MTF2: variants seen among roughly 807,000 people sequenced by gnomAD.
MTF2 encodes metal-response element-binding transcription factor 2.
A neutral mutation model predicts 79.5 loss-of-function variants in MTF2; 11 were observed. The ratio of observed to expected loss-of-function variants is 0.14; its 90% CI spans 0.09 to 0.23. MTF2 has a LOEUF of 0.23. MTF2 is among the 10% of genes least tolerant of loss of function. The pLI is 1.00. For missense variants in MTF2, 486 were observed against 711.2 expected, an observed-to-expected ratio of 0.68 and a Z score of 3.60; for synonymous variants, 208 against 232.8, an observed-to-expected ratio of 0.89 and a Z score of 0.97.
At chr1:93,129,823 G>A (rs1387189117) in intron 11 of MTF2, among the ~76,000 whole-genome samples, 1 of 151,990 alleles carries the variant, frequency 6.6e-6, no homozygotes, top group South Asian at 2.1e-4. Context: ...TAAGTGCTAG[G>A]CAGTACAATG....
At chr1:93,122,374 A>G (rs1656518775) in intron 9 of MTF2, among the ~76,000 whole-genome samples, 1 of 152,126 alleles carries the variant, frequency 6.6e-6, no homozygotes, top group Admixed American at 6.5e-5. Context: ...AGTTGTGTTT[A>G]TTTCAAATGC....
At chr1:93,121,890 C>T (rs932159062) in intron 9 of MTF2, 1 of 370,270 alleles carries the variant, frequency 2.7e-6, no homozygotes, top group African/African-American at 2.2e-5. Flanking sequence ...CAACCTCCGC[C>T]TCCCAGGCTC....
chr1:93,134,116 T>G lies in MTF2; in HGVS notation c.1345T>G (p.Ser449Ala), dbSNP rs754636918. The G allele has an allele frequency of 8.1e-6, 13 of 1,613,192 alleles. No homozygotes were observed. Among genetic ancestry groups the G allele is most frequent in the Non-Finnish European group, 1.1e-5 (13 of 1,179,602 alleles). The change falls in exon 14 of 15, where the codon TCC becomes GCC. Residue 449 changes from serine (S) to alanine (A), a missense_variant. Transcript: ENST00000370298. ...IGRTEGTAHSSNTSDVDFTGA... is the reference protein window; with the variant it reads ...IGRTEGTAHSANTSDVDFTGA... ...GAGAACTGAGGGAACTGCACATTCA[T>G]CCAATACCTCAGATGTGGATTTCAC...
rs904397570 is a variant in MTF2, at chr1:93,094,681, G to C, written c.5+15150G>C. 4.6e-5 allele frequency among the ~76,000 whole-genome samples: 7 copies of C among 151,876 alleles called. No individual in the cohort carries two copies. The East Asian group carries it at 5.8e-4, about 13-fold the overall frequency. On this transcript the variant is annotated intron_variant, in intron 1 of 14. Transcript: ENST00000370298. ...TACCAGGTTCAGGTTTGCCTTTTTG[G>C]GGGGTGGGGTGGGCAAGACTATTTC...
intron 11 of MTF2, among the ~76,000 whole-genome samples, chr1:93,131,013 T>C (rs1288269165): frequency 3.9e-5 from 6 of 152,090 alleles, no homozygotes; most frequent in African/African-American, 1.4e-4. Context: ...CAATTGGATG[T>C]GTAATTCAGG....
Position 93,110,394 on chromosome 1 carries a change from C to T in MTF2, c.170C>T (p.Ser57Leu), listed in dbSNP as rs754233865. The T allele has an allele frequency of 3.1e-6, 5 of 1,614,162 alleles. No homozygotes were observed. Among genetic ancestry groups the T allele is most frequent in the South Asian group, 1.1e-5 (1 of 91,068 alleles). ...EEGQDVLARW[S>L]DGLFYLGTIK... ...GGTCAGGATGTCCTAGCTAGATGGT[C>T]AGATGGCTTGTTTTATCTTGGCACT... is the stretch of plus-strand genomic sequence containing the variant. Residue 57 changes from serine to leucine, a missense_variant, in exon 2 of 15, where the codon TCA becomes TTA. Coordinates refer to ENST00000370298, the MANE Select transcript of MTF2 (RefSeq NM_007358.4).
At chr1:93,133,274 T>C (rs1238511416) in intron 11 of MTF2, among the ~76,000 whole-genome samples, 1 of 152,124 alleles carries the variant, frequency 6.6e-6, no homozygotes, top group Non-Finnish European at 1.5e-5. Flanking sequence ...CTCCATGAAG[T>C]TAACTGCTAA....
intron 3 of MTF2, among the ~76,000 whole-genome samples, chr1:93,113,097 C>T (rs1216373324): frequency 2.0e-5 from 3 of 151,928 alleles, no homozygotes; most frequent in Non-Finnish European, 4.4e-5. Context: ...AAGAAGCAAA[C>T]AGCTGGGCGC....
chr1:93,096,457 A>G (rs1382375141), intron 1 of MTF2, among the ~76,000 whole-genome samples: 2 of 151,598 alleles, frequency 1.3e-5, no homozygotes, highest in Admixed American at 6.6e-5. Context: ...TATTTCCCAA[A>G]TGTTTTCCAA....
intron 1 of MTF2, among the ~76,000 whole-genome samples, chr1:93,087,052 T>C (rs1168420331): frequency 6.6e-6 from 1 of 152,230 alleles, no homozygotes; most frequent in East Asian, 1.9e-4. Flanking sequence ...AACTGTGTTG[T>C]GCCACCTGCG....
chr1:93,100,033 A>C (rs1037079777), intron 1 of MTF2, among the ~76,000 whole-genome samples: 1 of 152,228 alleles, frequency 6.6e-6, no homozygotes, highest in Non-Finnish European at 1.5e-5. Context: ...AGGAGTTGGC[A>C]TAAGATGTGA....
rs1655289872 is a variant in MTF2 at position 93,096,436 on chromosome 1, G to GTTA, written c.6-13793_6-13792insTAT. ...CTTAATAGCCAGCTGCTTCCTAGAC[G>GTTA]TCATGAATAATATTTCCCAAATGTT... On this transcript the variant is annotated intron_variant, in intron 1 of 14. Transcript: ENST00000370298. Among the ~76,000 whole-genome samples, 5 of 151,994 alleles carry GTTA rather than the reference G, an allele frequency of 3.3e-5. No homozygotes were observed. In the South Asian group the frequency reaches 1.0e-3, roughly 32 times the overall value.
At chr1:93,113,800 A>G (rs1038451448) in intron 3 of MTF2, among the ~76,000 whole-genome samples, 1 of 152,144 alleles carries the variant, frequency 6.6e-6, no homozygotes, top group African/African-American at 2.4e-5. Context: ...TAAATAGTAT[A>G]TTTATAAGTT....
rs893459814 is a variant in MTF2, at chr1:93,137,453, A to G, written c.*426A>G. On this transcript the variant is annotated 3_prime_UTR_variant, in exon 15 of 15. Coordinates refer to ENST00000370298, the MANE Select transcript of MTF2 (RefSeq NM_007358.4). ...CAAAATGTTGGAAAAATTTATTTCA[A>G]TACCTTTTAGATTTCATAAAGTGCA... The G allele has an allele frequency of 6.3e-6, 1 of 157,914 alleles. No individual in the cohort carries two copies. Among genetic ancestry groups the G allele is most frequent in the Non-Finnish European group, 1.4e-5 (1 of 71,076 alleles). The allele number at this position is 157,914 out of a possible 1,614,324, so 9.8% of individuals were successfully genotyped here. A position where few individuals can be genotyped will look rare whatever the true frequency, so the allele number is the denominator to read the frequency against.
intron 1 of MTF2, among the ~76,000 whole-genome samples, chr1:93,082,289 T>TC (rs398103023): frequency 1.3e-4 from 20 of 151,512 alleles, no homozygotes; most frequent in African/African-American, 4.1e-4. Context: ...TTTTTTTTTT[T>TC]CTGTAAAAAG....
Position 93,133,790 on chromosome 1 carries a change from A to T in MTF2, c.1248A>T (p.Lys416Asn). The T allele has an allele frequency of 6.2e-7, 1 of 1,609,430 alleles. No homozygotes were observed. Among genetic ancestry groups the T allele is most frequent in the South Asian group, 1.1e-5 (1 of 90,568 alleles). The change falls in exon 12 of 15, where the codon AAA becomes AAT. Residue 416 changes from lysine (K) to asparagine (N), a missense_variant. Coordinates refer to ENST00000370298, the MANE Select transcript of MTF2 (RefSeq NM_007358.4). ...PGPYTRKMIQ[K>N]TAEPLLDKES... The stretch of plus-strand genomic sequence containing the variant: ...CATATACAAGAAAAATGATTCAAAA[A>T]ACTGCTGAGCCACTTTTGGTAAGAG...
At chr1:93,120,708 G>T in intron 9 of MTF2, 36 bp downstream of exon 9, 1 of 1,588,100 alleles carries the variant, frequency 6.3e-7, no homozygotes, top group South Asian at 1.2e-5. Flanking sequence ...GTAGCTACTT[G>T]ATGTCTTTTT....
intron 11 of MTF2, among the ~76,000 whole-genome samples, chr1:93,133,332 GTAAC>G (rs1376797334): frequency 6.6e-6 from 1 of 152,026 alleles, no homozygotes; most frequent in African/African-American, 2.4e-5. Context: ...CCTCCAAGTT[GTAAC>G]CACCTAAAAT....
intron 1 of MTF2, chr1:93,081,111 G>A (rs1251071898): frequency 1.3e-5 from 2 of 152,138 alleles, no homozygotes; most frequent in African/African-American, 4.8e-5. Context: ...GGGTATTAAC[G>A]GAAATGTGTA....
Sources: gnomAD v4.1 joint callset for allele counts (sites outside exome capture counted in the v4.1 genomes callset) on GRCh38, gnomAD v4.1.1 for gene constraint, MANE v1.5 for transcripts, NCBI Gene and HGNC (gene_info 2026-07-23, HGNC 2026-07-21) for gene names.